The following HSPA4L variants were observed in gnomAD, a reference collection of about 807,000 sequenced individuals.
The protein encoded by HSPA4L is heat shock protein family A (Hsp70) member 4 like, also known as heat shock 70 kDa protein 4L.
A neutral mutation model predicts 100.3 loss-of-function variants in HSPA4L; 48 were observed. That is an observed-to-expected ratio of 0.48 (90% CI 0.38 to 0.61). The LOEUF (loss-of-function observed/expected upper bound fraction) is 0.61. Ranked by LOEUF, HSPA4L falls within the 20% of genes least tolerant of loss-of-function variation. The pLI is 0.00. For missense variants in HSPA4L, 886 were observed against 988.6 expected, an observed-to-expected ratio of 0.90 and a Z score of 1.39; for synonymous variants, 319 against 328.2, an observed-to-expected ratio of 0.97 and a Z score of 0.30.
In HSPA4L at chr4:127,834,012, C is replaced by A. The variant is rs537111029; in HGVS notation, c.*1138C>A. 6.6e-6 allele frequency: 1 copy of A among 152,234 alleles called. No homozygotes were observed. Among genetic ancestry groups the A allele is most frequent in the South Asian group, 2.1e-4 (1 of 4,826 alleles). The allele number at this position is 152,234 out of a possible 1,614,324, so 9.4% of individuals were successfully genotyped here. On this transcript the variant is annotated 3_prime_UTR_variant, in exon 19 of 19. Transcript: ENST00000296464. ...CTGCTGTTAACATTACCTTTTGAAA[C>A]CTTGGCTCCAGTTTTGGTGCTTCTT...
In HSPA4L at chr4:127,811,541, G is replaced by A. The variant is rs760140095; in HGVS notation, c.1483G>A (p.Ala495Thr). ...NIHGIFSVASASVIEKQNLEG... is the reference protein window; with the variant it reads ...NIHGIFSVASTSVIEKQNLEG... ...CCATGGAATCTTCAGTGTGGCTAGCGCATCAGTAATTGAGAAGCAAAATTT... is the reference window on the plus strand; with the variant it reads ...CCATGGAATCTTCAGTGTGGCTAGCACATCAGTAATTGAGAAGCAAAATTT... The change falls in exon 12 of 19, where the codon GCA becomes ACA. Residue 495 changes from alanine (A) to threonine (T), a missense_variant. Physicochemically the swap from Ala to Thr is moderately conservative, Grantham distance 58. Coordinates refer to ENST00000296464, the MANE Select transcript of HSPA4L (RefSeq NM_014278.4). 33 of 1,613,628 alleles carry A rather than the reference G, an allele frequency of 2.0e-5. No homozygotes were observed. The highest frequency in any genetic ancestry group is 5.5e-5 in the South Asian group (5 of 91,062).
At chr4:127,825,096 C>T (rs185954496) in intron 16 of HSPA4L, among the ~76,000 whole-genome samples, 1,819 of 151,262 alleles carry the variant, frequency 0.012, 16 homozygotes, top group Non-Finnish European at 0.018. Flanking sequence ...GCTGAGATTG[C>T]GCCACTGCAC....
intron 18 of HSPA4L, among the ~76,000 whole-genome samples, chr4:127,832,182 A>G (rs1734100329): frequency 6.6e-6 from 1 of 151,944 alleles, no homozygotes; most frequent in Non-Finnish European, 1.5e-5. Flanking sequence ...TTAAGTTCCA[A>G]TTTACTTTCA....
In HSPA4L at chr4:127,837,802, CT is replaced by C. The variant is rs1331482857; in HGVS notation, c.*4931del. ...AATTTAAAATGCATGAAAATTAATA[CT>C]TTGTTTTTGTTTTTTTTTTGGAAAC... On this transcript the variant is annotated 3_prime_UTR_variant, in exon 19 of 19. Transcript: ENST00000296464. 6.6e-6 allele frequency: 1 copy of C among 151,550 alleles called. No individual in the cohort carries two copies. The highest frequency in any genetic ancestry group is 6.6e-5 in the Admixed American group (1 of 15,210). 9.4% of individuals were successfully genotyped at this position (151,550 alleles called of 1,614,324 possible).
intron 12 of HSPA4L, among the ~76,000 whole-genome samples, chr4:127,815,035 T>A (rs1299952624): frequency 6.6e-6 from 1 of 152,186 alleles, no homozygotes; most frequent in Non-Finnish European, 1.5e-5. Context: ...AATAATAAGA[T>A]AATAAGTTCT....
intron 5 of HSPA4L, 133 bp downstream of exon 5, chr4:127,801,370 A>G (rs1733172388): frequency 1.5e-6 from 1 of 653,700 alleles, no homozygotes; most frequent in South Asian, 2.0e-5. Flanking sequence ...TGAAAGCTGC[A>G]GTGAGCTATG....
chr4:127,798,824 AATCC>A (rs1297972307), intron 4 of HSPA4L, 115 bp downstream of exon 4: 1 of 932,600 alleles, frequency 1.1e-6, no homozygotes, highest in African/African-American at 1.7e-5. Context: ...AAATAACCTA[AATCC>A]ATCTGACTTT....
chr4:127,807,040 A>G (rs1004731406), intron 10 of HSPA4L, among the ~76,000 whole-genome samples: 1 of 151,996 alleles, frequency 6.6e-6, no homozygotes, highest in African/African-American at 2.4e-5. Flanking sequence ...CCAGAAAAAA[A>G]TTGTAAGAAA....
intron 17 of HSPA4L, among the ~76,000 whole-genome samples, chr4:127,828,037 CTTT>C: frequency 6.6e-6 from 1 of 151,964 alleles, no homozygotes; most frequent in Non-Finnish European, 1.5e-5. Flanking sequence ...AGTTATCAGA[CTTT>C]TTTTAAGACA....
intron 1 of HSPA4L, among the ~76,000 whole-genome samples, chr4:127,786,886 CAAT>C (rs1168850014): frequency 2.0e-5 from 3 of 152,094 alleles, no homozygotes; most frequent in African/African-American, 7.2e-5. Context: ...GTGTGGAAGA[CAAT>C]AAACTACTAT....
In HSPA4L at chr4:127,797,324, A is replaced by C. The variant is rs60669329; in HGVS notation, c.307-1263A>C. Among the ~76,000 whole-genome samples, 5 of 152,280 alleles carry C rather than the reference A, an allele frequency of 3.3e-5. No individual in the cohort carries two copies. In the East Asian group the frequency reaches 9.6e-4, roughly 29 times the overall value. ...TCCAGTTTAAAATTTGAACTACTTA[A>C]TTTTGTAAGTAGTTTAACTTCTTAA... is the stretch of plus-strand genomic sequence containing the variant. On this transcript the variant is annotated intron_variant, in intron 3 of 18. Coordinates refer to ENST00000296464, the MANE Select transcript of HSPA4L (RefSeq NM_014278.4).
intron 6 of HSPA4L, among the ~76,000 whole-genome samples, chr4:127,802,303 T>G (rs17012662): frequency 0.031 from 4,755 of 152,266 alleles, 265 homozygotes; most frequent in African/African-American, 0.11. Flanking sequence ...TAGAAACCTT[T>G]CTATCCAAGC....
Position 127,822,752 on chromosome 4 carries a change from T to C in HSPA4L, c.1813-17T>C. The C allele has an allele frequency of 1.2e-6, 2 of 1,611,494 alleles. No homozygotes were observed. The highest frequency in any genetic ancestry group is 2.2e-5 in the South Asian group (2 of 90,696). ...ATGCATATTCTTATGGCAACTAATCTGAAGCTTTTTGAATAGGGGAAGATG... is the reference window on the plus strand; with the variant it reads ...ATGCATATTCTTATGGCAACTAATCCGAAGCTTTTTGAATAGGGGAAGATG... On this transcript the variant is annotated splice_polypyrimidine_tract_variant and intron_variant, in intron 14 of 18. Coordinates refer to ENST00000296464, the MANE Select transcript of HSPA4L (RefSeq NM_014278.4).
rs995378361 is a variant in HSPA4L at position 127,782,789 on chromosome 4, A to G, written c.107+132A>G. 3.0e-5 allele frequency: 19 copies of G among 642,710 alleles called. No homozygotes were observed. The Middle Eastern group carries it at 1.0e-3, about 34-fold the overall frequency. 39.8% of individuals were successfully genotyped at this position (642,710 alleles called of 1,614,324 possible). A position where few individuals can be genotyped will look rare whatever the true frequency, so the allele number is the denominator to read the frequency against. On this transcript the variant is annotated intron_variant, in intron 1 of 18. Transcript: ENST00000296464. ...GCCGAACCCCGAGATGACAGGTGCA[A>G]CCCGTCAACCGCAGTCCCTAGAGAC...
intron 16 of HSPA4L, among the ~76,000 whole-genome samples, chr4:127,823,872 C>G (rs1733878904): frequency 6.6e-6 from 1 of 152,284 alleles, no homozygotes; most frequent in Middle Eastern, 3.4e-3. Context: ...AATCTACTCT[C>G]TCAACCAATT....
intron 3 of HSPA4L, among the ~76,000 whole-genome samples, chr4:127,796,447 C>G (rs1403888476): frequency 6.6e-6 from 1 of 151,718 alleles, no homozygotes; most frequent in Non-Finnish European, 1.5e-5. Flanking sequence ...ACTATATGGC[C>G]CCGAAATTCC....
chr4:127,820,629 A>G (rs948674439), intron 14 of HSPA4L, 64 bp downstream of exon 14: 5 of 1,499,124 alleles, frequency 3.3e-6, no homozygotes, highest in East Asian at 4.6e-5. Flanking sequence ...GTAGAAGTCA[A>G]TGATTATCTC....
At chr4:127,798,520 G>A in intron 3 of HSPA4L, 67 bp from the exon 4 acceptor site, 1 of 1,476,814 alleles carries the variant, frequency 6.8e-7, no homozygotes, top group Non-Finnish European at 9.4e-7. Flanking sequence ...ATATACAGTA[G>A]GTGCTCACTG....
At chr4:127,827,527 T>A in intron 17 of HSPA4L, 103 bp downstream of exon 17, 1 of 1,296,694 alleles carries the variant, frequency 7.7e-7, no homozygotes, top group Non-Finnish European at 1.1e-6. Flanking sequence ...CAGTTGTATC[T>A]ATCAAATTCC....
Sources: allele counts gnomAD v4.1 joint callset (sites outside exome capture counted in the v4.1 genomes callset), GRCh38; gene constraint gnomAD v4.1.1; transcripts MANE v1.5; gene names NCBI Gene and HGNC (gene_info 2026-07-23, HGNC 2026-07-21).